SLC4A4: variants seen among roughly 807,000 people sequenced by gnomAD.
SLC4A4 encodes the protein electrogenic sodium bicarbonate cotransporter 1.
SLC4A4 carries 27 observed loss-of-function variants against 111.5 expected under a neutral mutation model. That is an observed-to-expected ratio of 0.24 (90% CI 0.18 to 0.33). The LOEUF is 0.33. Among genes scored for constraint, SLC4A4 ranks in the 10% least tolerant of loss-of-function variants. The pLI is 1.00. For missense variants in SLC4A4, 909 were observed against 1,315.5 expected (o/e 0.69, Z 4.78); for synonymous variants, 443 against 463.4 (o/e 0.96, Z 0.57).
At chr4:71,118,093 C>T (rs1743321198) in intron 2 of SLC4A4, among the ~76,000 whole-genome samples, 1 of 152,146 alleles carries the variant, frequency 6.6e-6, no homozygotes, top group African/African-American at 2.4e-5. Context: ...TCAGGCTGGT[C>T]TCGAACTCCC....
chr4:71,124,521 C>T (rs962688298), intron 2 of SLC4A4, among the ~76,000 whole-genome samples: 13 of 152,244 alleles, frequency 8.5e-5, no homozygotes, highest in Admixed American at 5.2e-4. Flanking sequence ...TTTGTACATT[C>T]GTCTTTATCA....
At chr4:71,371,820 G>T (rs1484237317) in intron 6 of SLC4A4, among the ~76,000 whole-genome samples, 1 of 152,198 alleles carries the variant, frequency 6.6e-6, no homozygotes, top group East Asian at 1.9e-4. Context: ...CTCCTCTGGT[G>T]CAGGTACTTG....
intron 20 of SLC4A4, 130 bp downstream of exon 20, chr4:71,547,850 C>A: frequency 1.2e-6 from 1 of 805,674 alleles, no homozygotes; most frequent in South Asian, 1.4e-5. Context: ...AAGCAGGGGT[C>A]AAGTAGAAAG....
chr4:71,400,642 G>C (rs1720270525), intron 7 of SLC4A4, among the ~76,000 whole-genome samples: 1 of 152,140 alleles, frequency 6.6e-6, no homozygotes. Context: ...AGAGGCTTTT[G>C]TAACTAATTC....
In SLC4A4 at chr4:71,451,231, G is replaced by A; in HGVS notation, c.1252G>A (p.Asp418Asn). 1 of 1,613,360 alleles carries A rather than the reference G, an allele frequency of 6.2e-7. No individual in the cohort carries two copies. Among genetic ancestry groups the A allele is most frequent in the Non-Finnish European group, 8.5e-7 (1 of 1,179,330 alleles). The stretch of plus-strand genomic sequence containing the variant: ...TGGAGAGAATGTTCAGATGAATGGG[G>A]ATACGCCCCATGATGGAGGTCACGG... ...SGGENVQMNG[D>N]TPHDGGHGGG... Residue 418 changes from aspartate (D) to asparagine (N), a missense_variant, in exon 11 of 26, where the codon GAT becomes AAT. Transcript: ENST00000264485.
intron 4 of SLC4A4, among the ~76,000 whole-genome samples, chr4:71,343,464 A>G (rs894450627): frequency 2.0e-5 from 3 of 152,202 alleles, no homozygotes; most frequent in Non-Finnish European, 4.4e-5. Context: ...CAAAATTGAC[A>G]TGTCTAAAAC....
chr4:71,352,368 A>G (rs1729921498), intron 5 of SLC4A4, among the ~76,000 whole-genome samples: 1 of 152,142 alleles, frequency 6.6e-6, no homozygotes, highest in Admixed American at 6.5e-5. Flanking sequence ...CTTATTAAAA[A>G]AAACACAATT....
At chr4:71,064,325 C>T (rs1741461128) in intron 1 of SLC4A4, among the ~76,000 whole-genome samples, 1 of 152,148 alleles carries the variant, frequency 6.6e-6, no homozygotes, top group African/African-American at 2.4e-5. Flanking sequence ...GTGCAATGCT[C>T]TTAACTGCTT....
chr4:71,397,544 G>A (rs1481743399), intron 6 of SLC4A4, 33 bp from the exon 7 acceptor site: 2 of 1,570,328 alleles, frequency 1.3e-6, no homozygotes, highest in African/African-American at 2.7e-5. Context: ...TTGAAAAGAA[G>A]TCTTTAATTA....
At chr4:71,090,351 G>A (rs1187754375) in intron 1 of SLC4A4, among the ~76,000 whole-genome samples, 1 of 152,118 alleles carries the variant, frequency 6.6e-6, no homozygotes, top group Non-Finnish European at 1.5e-5. Context: ...TCCCAGGTGA[G>A]GCAATGCCTC....
At chr4:71,506,581 C>T (rs552656948) in intron 16 of SLC4A4, among the ~76,000 whole-genome samples, 1 of 152,114 alleles carries the variant, frequency 6.6e-6, no homozygotes, top group African/African-American at 2.4e-5. Flanking sequence ...AGCTCAAGAA[C>T]CTTTGGGGCT....
chr4:71,113,598 T>A (rs544118085), intron 2 of SLC4A4, among the ~76,000 whole-genome samples: 3 of 152,298 alleles, frequency 2.0e-5, no homozygotes, highest in South Asian at 2.1e-4. Context: ...TCCCTTTCCA[T>A]CCTTAATTGC....
At chr4:71,102,150 C>T (rs548532033) in intron 2 of SLC4A4, among the ~76,000 whole-genome samples, 1 of 151,874 alleles carries the variant, frequency 6.6e-6, no homozygotes, top group Non-Finnish European at 1.5e-5. Flanking sequence ...CAGATGCGAT[C>T]AACTGGAAGA....
chr4:71,087,292 C>G (rs1353072534), intron 1 of SLC4A4, among the ~76,000 whole-genome samples: 2 of 151,818 alleles, frequency 1.3e-5, no homozygotes, highest in Non-Finnish European at 2.9e-5. Flanking sequence ...TGAGTCTTCT[C>G]TCTTTTTTCT....
intron 2 of SLC4A4, among the ~76,000 whole-genome samples, chr4:71,118,965 C>T (rs1023397679): frequency 2.6e-5 from 4 of 152,154 alleles, no homozygotes; most frequent in African/African-American, 9.7e-5. Flanking sequence ...ACCATTATAT[C>T]TGCTACTCTA....
At chr4:71,199,303 A>C (rs1050564071) in intron 1 of SLC4A4, among the ~76,000 whole-genome samples, 1 of 152,214 alleles carries the variant, frequency 6.6e-6, no homozygotes, top group Admixed American at 6.5e-5. Context: ...ATAAGCACTT[A>C]GACTTCCTTA....
chr4:71,308,285 T>C (rs1295313247), intron 3 of SLC4A4, among the ~76,000 whole-genome samples: 2 of 152,208 alleles, frequency 1.3e-5, no homozygotes, highest in African/African-American at 4.8e-5. Flanking sequence ...TAAATGTTTA[T>C]TGACAAATGA....
chr4:71,435,992 T>C (rs914395519), intron 7 of SLC4A4, among the ~76,000 whole-genome samples: 2 of 152,298 alleles, frequency 1.3e-5, no homozygotes, highest in African/African-American at 4.8e-5. Context: ...TTGTGGAAGA[T>C]AGTGTGGTGA....
chr4:71,233,728 T>C (rs1719602981), intron 1 of SLC4A4, among the ~76,000 whole-genome samples: 2 of 152,190 alleles, frequency 1.3e-5, no homozygotes, highest in South Asian at 2.1e-4. Context: ...TAAATAGAAC[T>C]CTTGATTTGT....
Sources: allele counts gnomAD v4.1 joint callset (sites outside exome capture counted in the v4.1 genomes callset), GRCh38; gene constraint gnomAD v4.1.1; transcripts MANE v1.5; gene names NCBI Gene and HGNC (gene_info 2026-07-23, HGNC 2026-07-21).